Variants in REC114 observed in about 807,000 individuals in gnomAD.
The protein encoded by REC114 is meiotic recombination protein REC114.
In REC114, 27 loss-of-function variants were observed where a neutral mutation model predicts 31.3. The observed-to-expected ratio is 0.86, with a 90% confidence interval of 0.64 to 1.19. REC114 has a LOEUF of 1.19. REC114 is among the 50% of genes most tolerant of loss of function. REC114 has a pLI of 0.00. For missense variants in REC114, 344 were observed against 326.9 expected (o/e 1.05, Z -0.40); for synonymous variants, 134 against 127.7 (o/e 1.05, Z -0.33).
At chr15:73,531,983 T>C (rs575198993) in intron 2 of REC114, among the ~76,000 whole-genome samples, 1,158 of 51,960 alleles carry the variant, frequency 0.022, 9 homozygotes, top group Non-Finnish European at 0.042. Context: ...TTCTCCACTC[T>C]TTTTTTTTTT....
intron 2 of REC114, among the ~76,000 whole-genome samples, chr15:73,510,365 A>G (rs1322677550): frequency 1.3e-5 from 2 of 152,170 alleles, no homozygotes; most frequent in Admixed American, 1.3e-4. Context: ...GGTTTTCTAG[A>G]TATACAATCA....
intron 1 of REC114, among the ~76,000 whole-genome samples, chr15:73,464,106 AT>A (rs1436856104): frequency 6.6e-6 from 1 of 150,828 alleles, no homozygotes; most frequent in Non-Finnish European, 1.5e-5. Flanking sequence ...TCTCACTAAC[AT>A]TTTTTCTCCT....
rs766310323 is a variant in REC114 at position 73,551,017 on chromosome 15, A to T, written c.413A>T (p.Gln138Leu). The change falls in exon 4 of 6, where the codon CAG (glutamine) becomes CTG (leucine). Residue 138 changes from glutamine to leucine, a missense_variant. Transcript: ENST00000331090. ...QALEHCCSCVQKLAQYITVQV... is the reference protein window; with the variant it reads ...QALEHCCSCVLKLAQYITVQV... ...CTGGAACACTGCTGCAGTTGTGTTC[A>T]GAAGCTGGCACAATACATAACCGTG... 1.4e-5 allele frequency: 22 copies of T among 1,613,932 alleles called. No homozygotes were observed. The highest frequency in any genetic ancestry group is 1.8e-5 in the Non-Finnish European group (21 of 1,179,856).
chr15:73,527,567 C>T (rs1894024205), intron 2 of REC114, among the ~76,000 whole-genome samples: 1 of 152,160 alleles, frequency 6.6e-6, no homozygotes, highest in African/African-American at 2.4e-5. Context: ...ATATCACAGT[C>T]CTGTACTGTC....
At chr15:73,449,960 T>C (rs530948990) in intron 1 of REC114, among the ~76,000 whole-genome samples, 2 of 152,308 alleles carry the variant, frequency 1.3e-5, no homozygotes, top group East Asian at 3.9e-4. Flanking sequence ...AGAGATCTTG[T>C]CACCACCAGG....
intron 2 of REC114, among the ~76,000 whole-genome samples, chr15:73,480,318 TTAA>T (rs1282150921): frequency 1.3e-5 from 2 of 151,628 alleles, no homozygotes; most frequent in Non-Finnish European, 2.9e-5. Context: ...TCACCCAGGC[TTAA>T]TAATAAATAA....
At chr15:73,444,991 T>G (rs1892746283) in intron 1 of REC114, among the ~76,000 whole-genome samples, 1 of 152,176 alleles carries the variant, frequency 6.6e-6, no homozygotes, top group South Asian at 2.1e-4. Flanking sequence ...CAAGAATCTT[T>G]TTTTCTGAGG....
chr15:73,461,921 T>C (rs534314829), intron 1 of REC114, among the ~76,000 whole-genome samples: 50 of 138,360 alleles, frequency 3.6e-4, no homozygotes, highest in Non-Finnish European at 6.9e-4. Flanking sequence ...CTTTTTCTTT[T>C]CTTTTTTTTT....
intron 1 of REC114, among the ~76,000 whole-genome samples, chr15:73,454,015 G>A (rs192886997): frequency 1.7e-3 from 254 of 152,194 alleles, no homozygotes; most frequent in African/African-American, 5.9e-3. Context: ...AATACCTAAT[G>A]TAGACCACAG....
At chr15:73,507,409 TG>T (rs1893694924) in intron 2 of REC114, among the ~76,000 whole-genome samples, 1 of 152,134 alleles carries the variant, frequency 6.6e-6, no homozygotes, top group African/African-American at 2.4e-5. Flanking sequence ...GTGTATTTTA[TG>T]TGTGGCCCAA....
intron 3 of REC114, among the ~76,000 whole-genome samples, chr15:73,541,978 T>C (rs879295841): frequency 6.6e-6 from 1 of 152,118 alleles, no homozygotes; most frequent in Non-Finnish European, 1.5e-5. Context: ...TTCAGATGCA[T>C]GTAAGAGAAA....
intron 2 of REC114, among the ~76,000 whole-genome samples, chr15:73,486,925 A>C (rs1407633196): frequency 6.6e-6 from 1 of 152,022 alleles, no homozygotes; most frequent in Non-Finnish European, 1.5e-5. Context: ...AATCCCAGGT[A>C]CAGGAGAATC....
chr15:73,523,814 G>C (rs1893969926), intron 2 of REC114, among the ~76,000 whole-genome samples: 1 of 152,082 alleles, frequency 6.6e-6, no homozygotes, highest in African/African-American at 2.4e-5. Context: ...AAATTTTATA[G>C]TTTCAGCTAG....
At chr15:73,478,679 T>G (rs1298528742) in intron 2 of REC114, among the ~76,000 whole-genome samples, 1 of 152,236 alleles carries the variant, frequency 6.6e-6, no homozygotes, top group African/African-American at 2.4e-5. Flanking sequence ...TTGATTTCTT[T>G]TACCATCTTC....
chr15:73,552,879 G>A (rs1466621547), intron 4 of REC114, among the ~76,000 whole-genome samples: 1 of 152,118 alleles, frequency 6.6e-6, no homozygotes, highest in Non-Finnish European at 1.5e-5. Context: ...GCAATGGCAC[G>A]ATCTCGGCTC....
At chr15:73,546,570 ACAG>A (rs1350937152) in intron 3 of REC114, among the ~76,000 whole-genome samples, 1 of 152,218 alleles carries the variant, frequency 6.6e-6, no homozygotes, top group Non-Finnish European at 1.5e-5. Context: ...ATGTTATAGA[ACAG>A]CAATGTATTT....
intron 2 of REC114, among the ~76,000 whole-genome samples, chr15:73,534,870 T>C (rs1243606056): frequency 6.9e-6 from 1 of 143,984 alleles, no homozygotes; most frequent in African/African-American, 2.7e-5. Context: ...CAAGGCTGGT[T>C]CAATATACGC....
chr15:73,470,944 G>A (rs546874468), intron 1 of REC114, among the ~76,000 whole-genome samples: 40 of 152,236 alleles, frequency 2.6e-4, no homozygotes, highest in Non-Finnish European at 4.0e-4. Context: ...AAGGAGGCTA[G>A]TGTGGCTGAT....
At chr15:73,457,746 C>T (rs1281402692) in intron 1 of REC114, among the ~76,000 whole-genome samples, 1 of 152,112 alleles carries the variant, frequency 6.6e-6, no homozygotes, top group Non-Finnish European at 1.5e-5. Flanking sequence ...TGTTAATTCC[C>T]GTTGGCCAGA....
Sources: gnomAD v4.1 joint callset for allele counts (sites outside exome capture counted in the v4.1 genomes callset) on GRCh38, gnomAD v4.1.1 for gene constraint, MANE v1.5 for transcripts, NCBI Gene and HGNC (gene_info 2026-07-23, HGNC 2026-07-21) for gene names.